GMDS: variants seen among roughly 807,000 people sequenced by gnomAD.
GMDS encodes the protein GDP-mannose 4,6 dehydratase.
Under a neutral mutation model 49.9 loss-of-function variants are expected in GMDS, and 20 were observed. The observed-to-expected ratio is 0.40, with a 90% CI of 0.28 to 0.58. GMDS has a LOEUF of 0.58. Ranked by LOEUF, GMDS falls within the 20% of genes least tolerant of loss-of-function variation. The pLI, the probability that GMDS is intolerant of heterozygous loss-of-function variation, is 0.42. For missense variants in GMDS, 362 were observed against 481.4 expected, an observed-to-expected ratio of 0.75 and a Z score of 2.32; for synonymous variants, 177 against 178.6, an observed-to-expected ratio of 0.99 and a Z score of 0.07.
At chr6:1,799,074 G>A (rs1322572519) in intron 7 of GMDS, among the ~76,000 whole-genome samples, 1 of 152,196 alleles carries the variant, frequency 6.6e-6, no homozygotes, top group African/African-American at 2.4e-5. Context: ...TACTCCTACC[G>A]ATCCCTAGGA....
intron 4 of GMDS, among the ~76,000 whole-genome samples, chr6:1,972,997 C>T (rs1417139983): frequency 1.3e-5 from 2 of 152,182 alleles, no homozygotes. Flanking sequence ...GTTAAAACGT[C>T]CCCTGTAAAT....
intron 4 of GMDS, among the ~76,000 whole-genome samples, chr6:2,059,882 T>C (rs923164104): frequency 9.9e-5 from 15 of 151,834 alleles, no homozygotes; most frequent in African/African-American, 3.6e-4. Flanking sequence ...AATATAGTCT[T>C]CTAAATGAAA....
intron 7 of GMDS, among the ~76,000 whole-genome samples, chr6:1,877,447 C>A (rs893117562): frequency 6.6e-6 from 1 of 151,800 alleles, no homozygotes; most frequent in Non-Finnish European, 1.5e-5. Flanking sequence ...CGAGACCAGC[C>A]TGGGCAACAT....
chr6:1,938,221 T>C (rs1381149812), intron 6 of GMDS, among the ~76,000 whole-genome samples: 1 of 152,228 alleles, frequency 6.6e-6, no homozygotes. Context: ...TTAATTTAAA[T>C]AGCTCCCTGG....
intron 4 of GMDS, among the ~76,000 whole-genome samples, chr6:2,105,500 G>T (rs1223009810): frequency 6.6e-6 from 1 of 152,124 alleles, no homozygotes; most frequent in African/African-American, 2.4e-5. Context: ...AGGCACTCTA[G>T]TGTGAGCCAT....
At chr6:1,707,109 G>T (rs572824837) in intron 9 of GMDS, among the ~76,000 whole-genome samples, 1 of 152,270 alleles carries the variant, frequency 6.6e-6, no homozygotes, top group African/African-American at 2.4e-5. Context: ...GCAGTTAAGT[G>T]AATCTCAAGT....
intron 9 of GMDS, among the ~76,000 whole-genome samples, chr6:1,641,888 G>A (rs554880658): frequency 2.0e-5 from 3 of 152,274 alleles, no homozygotes; most frequent in East Asian, 1.9e-4. Context: ...AAGGTGAAGC[G>A]GAAATACCCC....
At chr6:2,238,435 T>A (rs1052717013) in intron 1 of GMDS, among the ~76,000 whole-genome samples, 4 of 152,158 alleles carry the variant, frequency 2.6e-5, no homozygotes, top group African/African-American at 7.2e-5. Context: ...CTGGCCATAC[T>A]ATTACCATCC....
At position 1,836,024 on chromosome 6, in the gene GMDS, C is replaced by T. The variant is rs1479638055; in HGVS notation, c.772-93438G>A. On this transcript the variant is annotated intron_variant, in intron 7 of 10. Coordinates refer to ENST00000380815, the MANE Select transcript of GMDS (RefSeq NM_001500.4). The surrounding 1 kb of genome is among the most constrained non-coding windows in gnomAD (Gnocchi z 4.2). The stretch of plus-strand genomic sequence containing the variant: ...CTGTGACTACAGGTGCCCACCACCA[C>T]GCCTGGCTAATTTTTTGGATTTTTA... Among the ~76,000 whole-genome samples the T allele has an allele frequency of 1.3e-5, 2 of 152,100 alleles. No homozygotes were observed. Among genetic ancestry groups the T allele is most frequent in the African/African-American group, 2.4e-5 (1 of 41,432 alleles).
rs73716973 is a variant in GMDS, at chr6:2,217,789, C to T, written c.102+27532G>A. Among the ~76,000 whole-genome samples the T allele has an allele frequency of 8.9e-3, 1,348 of 152,314 alleles. 20 individuals are homozygous for T. The highest frequency in any genetic ancestry group is 0.031 in the African/African-American group (1,279 of 41,554). ...AAGCCCCTCCCATTCCCCTCCAAGC[C>T]TCCCAGTGCCCCCCAAAGCCCTGGA... On this transcript the variant is annotated intron_variant, in intron 1 of 10. Coordinates refer to ENST00000380815, the MANE Select transcript of GMDS (RefSeq NM_001500.4).
chr6:1,659,120 T>TGGGCCTCTGTGG (rs1409549546), intron 9 of GMDS, among the ~76,000 whole-genome samples: 3 of 151,844 alleles, frequency 2.0e-5, no homozygotes, highest in Non-Finnish European at 4.4e-5. Flanking sequence ...TCATGAACCA[T>TGGGCCTCTGTGG]GGGCCTCTGT....
At chr6:2,085,539 A>AT (rs1473413450) in intron 4 of GMDS, among the ~76,000 whole-genome samples, 1 of 151,324 alleles carries the variant, frequency 6.6e-6, no homozygotes, top group Non-Finnish European at 1.5e-5. Flanking sequence ...AAATCTAACT[A>AT]TTTTTTTTTA....
intron 7 of GMDS, among the ~76,000 whole-genome samples, chr6:1,848,721 A>G (rs1757524859): frequency 6.6e-6 from 1 of 152,144 alleles, no homozygotes; most frequent in Admixed American, 6.5e-5. Flanking sequence ...GACTTCATGG[A>G]GTGGTCTGGG....
chr6:2,076,841 A>G (rs924963364), intron 4 of GMDS, among the ~76,000 whole-genome samples: 3 of 152,264 alleles, frequency 2.0e-5, no homozygotes, highest in African/African-American at 7.2e-5. Context: ...CATTCAGGAC[A>G]TACGCATGGG....
intron 1 of GMDS, among the ~76,000 whole-genome samples, chr6:2,233,956 G>A (rs1213835770): frequency 6.6e-6 from 1 of 152,118 alleles, no homozygotes; most frequent in Admixed American, 6.5e-5. Context: ...ATTTCCTCCA[G>A]GATTTCTGAG....
chr6:1,942,676 G>A (rs1762875532), intron 6 of GMDS, among the ~76,000 whole-genome samples: 1 of 152,204 alleles, frequency 6.6e-6, no homozygotes, highest in Admixed American at 6.5e-5. Flanking sequence ...AAAGAAAAAT[G>A]GAGACAGAAG....
intron 4 of GMDS, among the ~76,000 whole-genome samples, chr6:2,099,505 A>C (rs1447965918): frequency 6.6e-6 from 1 of 152,154 alleles, no homozygotes. Context: ...TACATGCCTC[A>C]GAATCATTTC....
intron 7 of GMDS, among the ~76,000 whole-genome samples, chr6:1,828,602 T>C (rs1030212458): frequency 6.6e-6 from 1 of 152,220 alleles, no homozygotes; most frequent in Admixed American, 6.5e-5. Context: ...TTTTCTCATA[T>C]GATATCTTGG....
intron 7 of GMDS, among the ~76,000 whole-genome samples, chr6:1,844,549 T>C (rs1442689464): frequency 6.6e-6 from 1 of 152,230 alleles, no homozygotes; most frequent in Non-Finnish European, 1.5e-5. Flanking sequence ...CTAAAATCAA[T>C]TATAAATAGC....
Sources: gnomAD v4.1 joint callset for allele counts (sites outside exome capture counted in the v4.1 genomes callset) on GRCh38, gnomAD v4.1.1 for gene constraint, Gnocchi (gnomAD v3.1) non-coding constraint, MANE v1.5 for transcripts, NCBI Gene and HGNC (gene_info 2026-07-23, HGNC 2026-07-21) for gene names.